Variants in SLC9B1 observed in about 807,000 individuals in gnomAD.
SLC9B1 encodes the protein sodium/hydrogen exchanger 9B1.
SLC9B1 carries 32 observed loss-of-function variants against 51.7 expected under a neutral mutation model. That is an observed-to-expected ratio of 0.62 (90% CI 0.47 to 0.83). SLC9B1 has a LOEUF of 0.83. SLC9B1 is among the 40% of genes least tolerant of loss of function. SLC9B1 has a pLI of 0.00. For missense variants in SLC9B1, 406 were observed against 613.2 expected (o/e 0.66, Z 3.57); for synonymous variants, 145 against 212.7 (o/e 0.68, Z 2.77).
At chr4:102,966,992 T>C (rs1179258610) in intron 3 of SLC9B1, among the ~76,000 whole-genome samples, 2 of 152,226 alleles carry the variant, frequency 1.3e-5, no homozygotes, top group African/African-American at 4.8e-5. Flanking sequence ...CCACAAAACC[T>C]TAGGGCACAA....
rs138863134 is a variant in SLC9B1, at chr4:102,998,604, G to GTT, written c.-1-6894_-1-6893dup. The stretch of plus-strand genomic sequence containing the variant: ...TTTTTGGAGGAACCATCATCATATG[G>GTT]TTTTTTTTTTTTCACAGCAGGTACA... On this transcript the variant is annotated intron_variant, in intron 1 of 11. Coordinates refer to ENST00000296422, the MANE Select transcript of SLC9B1 (RefSeq NM_139173.4). 1.0e-2 allele frequency among the ~76,000 whole-genome samples: 1,461 copies of GTT among 146,370 alleles called. 16 individuals are homozygous for GTT. The highest frequency in any genetic ancestry group is 0.032 in the African/African-American group (1,283 of 40,214).
At chr4:102,955,986 A>C (rs745312550) in intron 3 of SLC9B1, among the ~76,000 whole-genome samples, 7 of 152,210 alleles carry the variant, frequency 4.6e-5, no homozygotes, top group Non-Finnish European at 8.8e-5. Context: ...CACGGTGCCT[A>C]AACTGTTTAT....
chr4:102,899,648 G>A (rs1222839376), downstream of SLC9B1, among the ~76,000 whole-genome samples: 2 of 151,916 alleles, frequency 1.3e-5, no homozygotes, highest in African/African-American at 2.4e-5. Flanking sequence ...TCCTGACCTC[G>A]TGATCTGCCC....
chr4:102,941,470 T>C (rs1226929958), intron 6 of SLC9B1: 8 of 454,762 alleles, frequency 1.8e-5, no homozygotes, highest in Non-Finnish European at 3.5e-5. Flanking sequence ...GCAGAATGGC[T>C]ATTATCAAAA....
In SLC9B1 at chr4:102,946,711, G is replaced by A. The variant is rs1165127222; in HGVS notation, c.461C>T (p.Ser154Leu). The change falls in exon 5 of 12, where the codon TCA becomes TTA. Residue 154 changes from serine (S) to leucine (L), a missense_variant. Around this residue, in one of 6 missense-constraint regions of SLC9B1, gnomAD observed 250 missense variants for 394.1 expected, o/e 0.63. Transcript: ENST00000296422. ...EHVHVPNTWS[S>L]ILRSIALTII... ...GGTAAGGGCAATGCTTCTTAAAATT[G>A]AAGACCATGTGTTAGGAACATGGAC... 5 of 1,610,190 alleles carry A rather than the reference G, an allele frequency of 3.1e-6. No homozygotes were observed. The highest frequency in any genetic ancestry group is 2.7e-5 in the African/African-American group (2 of 74,710).
chr4:102,915,805 G>A (rs1735550067), intron 7 of SLC9B1, among the ~76,000 whole-genome samples: 1 of 152,182 alleles, frequency 6.6e-6, no homozygotes, highest in Admixed American at 6.5e-5. Context: ...AAAGTGAGAA[G>A]GAAGTGTAAA....
At position 102,920,847 on chromosome 4, in the gene SLC9B1, G is replaced by A. The variant is rs182985826; in HGVS notation, c.830-9310C>T. Among the ~76,000 whole-genome samples, 672 of 152,246 alleles carry A rather than the reference G, an allele frequency of 4.4e-3. 7 individuals carry two copies. Among genetic ancestry groups the A allele is most frequent in the African/African-American group, 0.016 (650 of 41,532 alleles). ...TCAAATAAATGAAATAAAGTGAGAAGACAAGGTTAGAGAAACAAGAGTAAA... is the reference window on the plus strand; with the variant it reads ...TCAAATAAATGAAATAAAGTGAGAAAACAAGGTTAGAGAAACAAGAGTAAA... On this transcript the variant is annotated intron_variant, in intron 7 of 11. Coordinates refer to ENST00000296422, the MANE Select transcript of SLC9B1 (RefSeq NM_139173.4).
At chr4:103,013,248 A>G (rs1741168470) in intron 1 of SLC9B1, among the ~76,000 whole-genome samples, 1 of 152,216 alleles carries the variant, frequency 6.6e-6, no homozygotes, top group East Asian at 1.9e-4. Flanking sequence ...TGGTTGGAAC[A>G]TCTTCCCACT....
At chr4:103,010,336 C>A (rs554735277) in intron 1 of SLC9B1, among the ~76,000 whole-genome samples, 1 of 152,186 alleles carries the variant, frequency 6.6e-6, no homozygotes, top group South Asian at 2.1e-4. Flanking sequence ...GTAAGGGACG[C>A]AAATGGGTGG....
chr4:102,948,689 T>C (rs1737392153), intron 4 of SLC9B1, among the ~76,000 whole-genome samples: 1 of 152,166 alleles, frequency 6.6e-6, no homozygotes, highest in Admixed American at 6.6e-5. Flanking sequence ...TGAACACCAT[T>C]ATCCTAAGTG....
At chr4:102,891,180 A>G (rs1734229443) in intron 11 of SLC9B1, 1 of 147,838 alleles carries the variant, frequency 6.8e-6, no homozygotes, top group Non-Finnish European at 1.5e-5. Flanking sequence ...GTGGTAATTG[A>G]AAAAGTCTTC....
At chr4:102,971,155 A>C (rs1295991247) in intron 3 of SLC9B1, among the ~76,000 whole-genome samples, 10 of 152,222 alleles carry the variant, frequency 6.6e-5, no homozygotes, top group South Asian at 4.1e-4. Context: ...ACATCTACAG[A>C]ACCCTCCACC....
downstream of SLC9B1, among the ~76,000 whole-genome samples, chr4:102,900,249 G>C (rs1210803824): frequency 1.3e-5 from 2 of 152,096 alleles, no homozygotes; most frequent in Non-Finnish European, 2.9e-5. Flanking sequence ...TTAAAATAAA[G>C]AGTCTTGAAG....
intron 6 of SLC9B1, among the ~76,000 whole-genome samples, chr4:102,936,505 A>G (rs1251732992): frequency 7.2e-5 from 11 of 152,240 alleles, no homozygotes; most frequent in Non-Finnish European, 4.4e-5. Context: ...AATCTAAGGA[A>G]TCCAATAAGA....
At chr4:102,930,951 G>A (rs1318420924) in intron 7 of SLC9B1, among the ~76,000 whole-genome samples, 1 of 152,002 alleles carries the variant, frequency 6.6e-6, no homozygotes, top group Non-Finnish European at 1.5e-5. Flanking sequence ...TAGGCCAGGT[G>A]CGATGTCTCA....
At chr4:102,974,297 G>A in intron 3 of SLC9B1, among the ~76,000 whole-genome samples, 2 of 117,744 alleles carry the variant, frequency 1.7e-5, no homozygotes, top group Non-Finnish European at 1.9e-5. Context: ...ATAAATTAAA[G>A]GAAATAAGGC....
chr4:102,941,516 G>T (rs1736994197), intron 6 of SLC9B1: 1 of 454,492 alleles, frequency 2.2e-6, no homozygotes. Flanking sequence ...AGCTTGGGGA[G>T]CTACTCCCAG....
At chr4:102,929,395 C>T (rs1354231559) in intron 7 of SLC9B1, among the ~76,000 whole-genome samples, 1 of 152,182 alleles carries the variant, frequency 6.6e-6, no homozygotes, top group Non-Finnish European at 1.5e-5. Context: ...AGTTTCCTTA[C>T]CTGTAAATGA....
Position 102,984,034 on chromosome 4 carries a change from C to T in SLC9B1, c.211+5766G>A, listed in dbSNP as rs181657617. Among the ~76,000 whole-genome samples, 396 of 151,890 alleles carry T rather than the reference C, an allele frequency of 2.6e-3. 1 individual carries two copies. Among genetic ancestry groups the T allele is most frequent in the African/African-American group, 9.1e-3 (376 of 41,466 alleles). Reference sequence around the variant, plus strand: ...AATATTATCAAATGCTATAAGTTTCCTTCTACTCATTGCTTTTGCTGCATC... The same window carrying T: ...AATATTATCAAATGCTATAAGTTTCTTTCTACTCATTGCTTTTGCTGCATC... On this transcript the variant is annotated intron_variant, in intron 3 of 11. Transcript: ENST00000296422.
Sources: allele counts gnomAD v4.1 joint callset (sites outside exome capture counted in the v4.1 genomes callset), GRCh38; gene constraint gnomAD v4.1.1; regional missense constraint gnomAD v4.1.1; transcripts MANE v1.5; gene names NCBI Gene and HGNC (gene_info 2026-07-23, HGNC 2026-07-21).